Variants in GARNL3 observed in about 807,000 individuals in gnomAD.
The protein encoded by GARNL3 is GTPase activating Rap/RanGAP domain like 3.
In GARNL3, 63 loss-of-function variants were observed where a neutral mutation model predicts 125.0. The observed-to-expected ratio is 0.50, with a 90% confidence interval of 0.41 to 0.62. The LOEUF is 0.62. Among genes scored for constraint, GARNL3 ranks in the 20% least tolerant of loss-of-function variants. The probability of loss-of-function intolerance (pLI) is 0.00; values close to 1 mark genes in which losing one functional copy is unlikely to be tolerated. For synonymous variants in GARNL3, 439 were observed against 457.5 expected, an observed-to-expected ratio of 0.96 and a Z score of 0.52; for missense variants, 994 against 1,244.0, an observed-to-expected ratio of 0.80 and a Z score of 3.02.
At chr9:127,321,310 T>C (rs985798928) in intron 6 of GARNL3, among the ~76,000 whole-genome samples, 3 of 152,122 alleles carry the variant, frequency 2.0e-5, no homozygotes, top group African/African-American at 7.2e-5. Flanking sequence ...TTAGTAGAGA[T>C]GGGGTTTCAC....
intron 22 of GARNL3, among the ~76,000 whole-genome samples, chr9:127,376,356 C>G (rs1263480824): frequency 1.3e-5 from 2 of 151,958 alleles, no homozygotes; most frequent in African/African-American, 4.8e-5. Flanking sequence ...GTAGCTGGGA[C>G]TACAGGCGCC....
chr9:127,311,539 C>A, intron 2 of GARNL3, 97 bp from the exon 3 acceptor site: 1 of 828,194 alleles, frequency 1.2e-6, no homozygotes, highest in Non-Finnish European at 2.1e-6. Flanking sequence ...ATGCTTTTAA[C>A]AATGATTTTT....
At chr9:127,334,099 G>C (rs4451421) in intron 9 of GARNL3, among the ~76,000 whole-genome samples, 56,638 of 151,998 alleles carry the variant, frequency 0.37, 11,938 homozygotes, top group African/African-American at 0.57. Context: ...GACACTTCAG[G>C]GTTTCTGCCC....
chr9:127,229,217 T>C (rs1314523524), intron 1 of GARNL3, among the ~76,000 whole-genome samples: 4 of 152,222 alleles, frequency 2.6e-5, no homozygotes, highest in African/African-American at 7.2e-5. Flanking sequence ...TTCGAAAAAC[T>C]ACCCCTTAAT....
chr9:127,314,858 A>C (rs1272421114), intron 4 of GARNL3, among the ~76,000 whole-genome samples: 1 of 152,220 alleles, frequency 6.6e-6, no homozygotes, highest in Non-Finnish European at 1.5e-5. Context: ...AGTTTAGGGA[A>C]AGCCTCCTGA....
intron 27 of GARNL3, among the ~76,000 whole-genome samples, chr9:127,391,552 A>ATATATATATATATATATATATATATG (rs1292380673): frequency 2.3e-5 from 3 of 129,028 alleles, no homozygotes; most frequent in African/African-American, 8.6e-5. Context: ...ATATATATAT[A>ATATATATATATATATATATATATATG]GGCTGGGTCT....
chr9:127,323,320 C>T (rs2065459262), intron 6 of GARNL3, among the ~76,000 whole-genome samples: 1 of 152,180 alleles, frequency 6.6e-6, no homozygotes, highest in South Asian at 2.1e-4. Flanking sequence ...CAAACCAGGG[C>T]AAATTGCAGG....
At position 127,331,720 on chromosome 9, in the gene GARNL3, C is replaced by CTTGCTTTTTTTTTTTTTTTT. The variant is rs367597623; in HGVS notation, c.595-552_595-551insGCTTTTTTTTTTTTTTTTTT. Among the ~76,000 whole-genome samples the CTTGCTTTTTTTTTTTTTTTT allele has an allele frequency of 4.0e-5, 3 of 74,414 alleles. 1 individual carries two copies. The highest frequency in any genetic ancestry group is 1.4e-4 in the African/African-American group (3 of 20,902). The allele number at this position is 74,414 out of a possible 152,430, so 48.8% of individuals were successfully genotyped here. ...CTACTGCTTGCTTGGCTTGGGCTTG[C>CTTGCTTTTTTTTTTTTTTTT]TTTTTTTTTTTTTTTCACATCTGTT... On this transcript the variant is annotated intron_variant, in intron 7 of 27. Transcript: ENST00000373387.
intron 2 of GARNL3, among the ~76,000 whole-genome samples, chr9:127,309,518 TAGAA>T (rs1018150373): frequency 2.6e-5 from 4 of 152,094 alleles, no homozygotes; most frequent in African/African-American, 9.7e-5. Context: ...GAAATACAAA[TAGAA>T]AGGAAGCCTA....
chr9:127,320,779 G>A lies in GARNL3; in HGVS notation c.567+1G>A. The A allele has an allele frequency of 6.3e-7, 1 of 1,594,358 alleles. No homozygotes were observed. The highest frequency in any genetic ancestry group is 8.6e-7 in the Non-Finnish European group (1 of 1,162,494). On this transcript the variant is annotated splice_donor_variant, in intron 6 of 27. Coordinates refer to ENST00000373387, the MANE Select transcript of GARNL3 (RefSeq NM_032293.5). LOFTEE classifies it high-confidence loss of function. Reference sequence around the variant, plus strand: ...AATTTTTCATCCTGAAATACAAAAGGTAACAGAAAATTTTATGCTTCATAA... The same window carrying A: ...AATTTTTCATCCTGAAATACAAAAGATAACAGAAAATTTTATGCTTCATAA...
At chr9:127,341,808 G>C (rs969153601) in intron 13 of GARNL3, among the ~76,000 whole-genome samples, 3 of 152,192 alleles carry the variant, frequency 2.0e-5, no homozygotes, top group African/African-American at 7.2e-5. Context: ...TGACATTGAA[G>C]ATTTGAAAGT....
chr9:127,255,811 C>G (rs1456924909), intron 2 of GARNL3, among the ~76,000 whole-genome samples: 4 of 152,118 alleles, frequency 2.6e-5, no homozygotes, highest in Admixed American at 1.3e-4. Context: ...GCATTTCTCA[C>G]CAGCTCATAT....
intron 12 of GARNL3, 23 bp from the exon 13 acceptor site, chr9:127,339,622 A>G (rs1191275522): frequency 6.6e-7 from 1 of 1,520,764 alleles, no homozygotes; most frequent in Non-Finnish European, 9.1e-7. Flanking sequence ...GCTAATATTA[A>G]TTCTGCAATA....
chr9:127,276,948 CAG>C (rs1294636895), intron 1 of GARNL3, among the ~76,000 whole-genome samples: 1 of 152,200 alleles, frequency 6.6e-6, no homozygotes, highest in African/African-American at 2.4e-5. Context: ...AACTGAGATT[CAG>C]AGAGGTAAAT....
intron 20 of GARNL3, 118 bp from the exon 21 acceptor site, chr9:127,357,101 T>C: frequency 1.0e-6 from 1 of 959,024 alleles, no homozygotes; most frequent in South Asian, 1.6e-5. Flanking sequence ...AGCACGGGGC[T>C]CTGCAGGAGC....
intron 1 of GARNL3, among the ~76,000 whole-genome samples, chr9:127,234,668 G>A (rs2063078977): frequency 6.6e-6 from 1 of 152,174 alleles, no homozygotes; most frequent in Non-Finnish European, 1.5e-5. Context: ...AAATCCTTTC[G>A]ACTGAGTAAT....
chr9:127,261,386 G>T (rs1471152936), upstream of GARNL3, among the ~76,000 whole-genome samples: 1 of 151,312 alleles, frequency 6.6e-6, no homozygotes, highest in South Asian at 2.1e-4. Flanking sequence ...GATTATTCAT[G>T]GGAAGGTGTT....
rs151265638 is a variant in GARNL3 at position 127,359,735 on chromosome 9, C to T, written c.2094+2358C>T. The stretch of plus-strand genomic sequence containing the variant: ...GGCTGAAAATTATGCAGTTTACTTA[C>T]TCATCAGGGTAGCTATAGAGAATAT... On this transcript the variant is annotated intron_variant, in intron 21 of 27. Coordinates refer to ENST00000373387, the MANE Select transcript of GARNL3 (RefSeq NM_032293.5). Among the ~76,000 whole-genome samples, 558 of 152,266 alleles carry T rather than the reference C, an allele frequency of 3.7e-3. 7 individuals are homozygous for T. The highest frequency in any genetic ancestry group is 0.021 in the East Asian group (111 of 5,190).
rs1033626289 is a variant in GARNL3 at position 127,266,701 on chromosome 9, A to C, written c.144+1680A>C. Among the ~76,000 whole-genome samples, 1 of 152,254 alleles carries C rather than the reference A, an allele frequency of 6.6e-6. No individual in the cohort carries two copies. Among genetic ancestry groups the C allele is most frequent in the Non-Finnish European group, 1.5e-5 (1 of 68,044 alleles). Reference sequence around the variant, plus strand: ...CATGTACATAAAGTACTTAGCACATAAGCACAGTTTATGTTAACCAGCTGC... The same window carrying C: ...CATGTACATAAAGTACTTAGCACATCAGCACAGTTTATGTTAACCAGCTGC... On this transcript the variant is annotated intron_variant, in intron 1 of 27. Coordinates refer to ENST00000373387, the MANE Select transcript of GARNL3 (RefSeq NM_032293.5). This position sits in a 1 kb window ranked among gnomAD's most constrained non-coding sequence, Gnocchi z 4.0.
Sources: gnomAD v4.1 joint callset for allele counts (sites outside exome capture counted in the v4.1 genomes callset) on GRCh38, gnomAD v4.1.1 for gene constraint, Gnocchi (gnomAD v3.1) non-coding constraint, MANE v1.5 for transcripts, NCBI Gene and HGNC (gene_info 2026-07-23, HGNC 2026-07-21) for gene names.